Variants in PARVB observed in about 807,000 individuals in gnomAD.
The protein encoded by PARVB is beta-parvin.
Under a neutral mutation model 47.0 loss-of-function variants are expected in PARVB, and 46 were observed. The ratio of observed to expected loss-of-function variants is 0.98; its 90% CI spans 0.77 to 1.25. The LOEUF is 1.25. PARVB is among the 50% of genes most tolerant of loss of function. The probability of loss-of-function intolerance (pLI) is 0.00; values close to 1 mark genes in which losing one functional copy is unlikely to be tolerated. For missense variants in PARVB, 473 were observed against 471.6 expected (o/e 1.00, Z -0.03); for synonymous variants, 196 against 196.3 (o/e 1.00, Z 0.01).
At chr22:44,123,776 C>T (rs2053126183) in intron 4 of PARVB, among the ~76,000 whole-genome samples, 1 of 152,008 alleles carries the variant, frequency 6.6e-6, no homozygotes, top group Non-Finnish European at 1.5e-5. Context: ...AACAATCCAC[C>T]CACCTCGGGC....
chr22:44,043,518 C>T (rs1349181532), intron 1 of PARVB, among the ~76,000 whole-genome samples: 1 of 152,132 alleles, frequency 6.6e-6, no homozygotes, highest in Non-Finnish European at 1.5e-5. Context: ...GCTGGGACTA[C>T]AGGTGCCCGC....
intron 1 of PARVB, among the ~76,000 whole-genome samples, chr22:44,071,212 G>A (rs994044119): frequency 6.6e-6 from 1 of 152,142 alleles, no homozygotes; most frequent in Admixed American, 6.5e-5. Context: ...CACCTGCTTA[G>A]CTTCCCTTAA....
intron 4 of PARVB, among the ~76,000 whole-genome samples, chr22:44,122,488 A>AAGAGAGAGAG (rs766162295): frequency 0.12 from 9,392 of 76,122 alleles, 1,233 homozygotes; most frequent in East Asian, 0.29. Context: ...CCTGTCGATC[A>AAGAGAGAGAG]AGAGAGAGAG....
chr22:44,112,819 GCCC>G (rs2052738209), intron 3 of PARVB: 5 of 128,962 alleles, frequency 3.9e-5, no homozygotes, highest in Non-Finnish European at 6.2e-5. Context: ...ACTAACTAAG[GCCC>G]TGCACCAACA....
In PARVB at chr22:44,114,926, T is replaced by G. The variant is rs1384001821; in HGVS notation, c.274-4112T>G. The G allele has an allele frequency of 1.2e-4, 13 of 112,244 alleles. 3 individuals carry two copies. The highest frequency in any genetic ancestry group is 5.1e-4 in the African/African-American group (12 of 23,620). The allele number at this position is 112,244 out of a possible 1,614,324, so 7.0% of individuals were successfully genotyped here. ...AAGTAAGGCCCTGTACCAACACAGATATATTGTTACTAACTAAGGCCCTGC... is the reference window on the plus strand; with the variant it reads ...AAGTAAGGCCCTGTACCAACACAGAGATATTGTTACTAACTAAGGCCCTGC... On this transcript the variant is annotated intron_variant, in intron 3 of 12. Coordinates refer to ENST00000338758, the MANE Select transcript of PARVB (RefSeq NM_013327.5).
At chr22:44,023,074 G>A (rs1309222374), upstream of PARVB, among the ~76,000 whole-genome samples, 1 of 152,120 alleles carries the variant, frequency 6.6e-6, no homozygotes, top group African/African-American at 2.4e-5. Flanking sequence ...CAAGGCTGGG[G>A]CTTCTGGCTG....
chr22:44,008,410 T>C (rs940288659), intron 2 of PARVB, among the ~76,000 whole-genome samples: 4 of 152,134 alleles, frequency 2.6e-5, no homozygotes, highest in Non-Finnish European at 5.9e-5. Context: ...ACGCGCGGTC[T>C]AGAGACAGGA....
intron 1 of PARVB, among the ~76,000 whole-genome samples, chr22:44,053,066 T>A (rs1336642039): frequency 1.3e-5 from 2 of 151,982 alleles, no homozygotes; most frequent in Non-Finnish European, 2.9e-5. Context: ...CACACATCTT[T>A]GTATGATGTT....
chr22:44,147,814 C>T (rs374116122), intron 8 of PARVB, 47 bp from the exon 9 acceptor site: 77 of 1,548,662 alleles, frequency 5.0e-5, no homozygotes, highest in African/African-American at 1.5e-4. Context: ...GGCAGCACCA[C>T]GGGTTTCCAT....
intron 6 of PARVB, 82 bp from the exon 7 acceptor site, chr22:44,136,378 C>T (rs1323663264): frequency 8.1e-6 from 10 of 1,236,596 alleles, no homozygotes; most frequent in South Asian, 1.2e-5. Flanking sequence ...ATCTCCGGCC[C>T]CGCAGCTTCG....
chr22:44,069,221 T>C (rs558697154), intron 1 of PARVB: 433 of 1,456,194 alleles, frequency 3.0e-4, no homozygotes, highest in Admixed American at 1.3e-3. Context: ...CCAGCCCTTC[T>C]TTTCTTTTCT....
chr22:44,078,393 G>A (rs941952769), intron 1 of PARVB, among the ~76,000 whole-genome samples: 3 of 152,192 alleles, frequency 2.0e-5, no homozygotes. Flanking sequence ...CATGGACTGA[G>A]TTCCCCTCTT....
intron 1 of PARVB, among the ~76,000 whole-genome samples, chr22:44,036,028 C>A (rs561900673): frequency 2.0e-5 from 3 of 151,996 alleles, no homozygotes; most frequent in Non-Finnish European, 4.4e-5. Flanking sequence ...GAGGCCGAGG[C>A]GGGCGGATCA....
intron 2 of PARVB, among the ~76,000 whole-genome samples, chr22:44,010,039 C>T (rs2050506649): frequency 6.6e-6 from 1 of 152,134 alleles, no homozygotes. Flanking sequence ...AACTTCTGAC[C>T]TCGTGATCCA....
chr22:44,152,995 T>G (rs2053842707), intron 10 of PARVB: 1 of 152,242 alleles, frequency 6.6e-6, no homozygotes, highest in African/African-American at 2.4e-5. Context: ...CGGAGATGAA[T>G]GCACAGAGGG....
chr22:44,142,590 A>C (rs1329402037), intron 8 of PARVB: 1 of 152,080 alleles, frequency 6.6e-6, no homozygotes, highest in African/African-American at 2.4e-5. Context: ...GAGGGCCCAG[A>C]AGCCTGGCCC....
chr22:44,076,251 G>A (rs905378251), intron 1 of PARVB, among the ~76,000 whole-genome samples: 23 of 152,220 alleles, frequency 1.5e-4, no homozygotes, highest in African/African-American at 1.7e-4. Flanking sequence ...CTCCATGGCC[G>A]CTGATTTGGG....
chr22:44,090,533 C>T (rs920401539), intron 1 of PARVB, among the ~76,000 whole-genome samples: 1 of 152,240 alleles, frequency 6.6e-6, no homozygotes, highest in Non-Finnish European at 1.5e-5. Flanking sequence ...TGTGGCTTCT[C>T]TCCTCCTCCC....
At chr22:44,066,255 A>T (rs1191388707) in intron 1 of PARVB, among the ~76,000 whole-genome samples, 1 of 152,232 alleles carries the variant, frequency 6.6e-6, no homozygotes, top group African/African-American at 2.4e-5. Flanking sequence ...TGAAGGGCCC[A>T]ATTCAAACAG....
Sources: allele counts gnomAD v4.1 joint callset (sites outside exome capture counted in the v4.1 genomes callset), GRCh38; gene constraint gnomAD v4.1.1; transcripts MANE v1.5; gene names NCBI Gene and HGNC (gene_info 2026-07-23, HGNC 2026-07-21).